SNTG1: variants seen among roughly 807,000 people sequenced by gnomAD.
SNTG1 encodes syntrophin gamma 1.
Under a neutral mutation model 74.7 loss-of-function variants are expected in SNTG1, and 39 were observed. The observed-to-expected ratio is 0.52, with a 90% confidence interval of 0.40 to 0.68. SNTG1 has a LOEUF of 0.68. Among genes scored for constraint, SNTG1 ranks in the 30% least tolerant of loss-of-function variants. SNTG1 has a pLI of 0.00. For synonymous variants in SNTG1, 254 were observed against 217.1 expected (o/e 1.17, Z -1.49); for missense variants, 685 against 609.5 (o/e 1.12, Z -1.30).
At chr8:50,210,032 A>T (rs552359598) in intron 2 of SNTG1, among the ~76,000 whole-genome samples, 1 of 152,302 alleles carries the variant, frequency 6.6e-6, no homozygotes, top group Non-Finnish European at 1.5e-5. Flanking sequence ...GAAGACCTTA[A>T]ATGAACTCAT....
At chr8:50,321,938 C>A (rs56808801) in intron 2 of SNTG1, among the ~76,000 whole-genome samples, 1,916 of 152,116 alleles carry the variant, frequency 0.013, 43 homozygotes, top group African/African-American at 0.044. Context: ...ATCAGTTCAT[C>A]TTTTAGTCTT....
chr8:50,599,416 T>A (rs1447474999), intron 13 of SNTG1, among the ~76,000 whole-genome samples: 1 of 152,082 alleles, frequency 6.6e-6, no homozygotes, highest in Non-Finnish European at 1.5e-5. Context: ...TGGCATTTTG[T>A]TAGGAATTGC....
intron 1 of SNTG1, among the ~76,000 whole-genome samples, chr8:50,093,984 A>AAG (rs2079837865): frequency 6.6e-6 from 1 of 152,126 alleles, no homozygotes; most frequent in Non-Finnish European, 1.5e-5. Context: ...AAAAAGGAAA[A>AAG]GCCATCTGTC....
chr8:50,674,350 A>G (rs2095299904), intron 15 of SNTG1, among the ~76,000 whole-genome samples: 1 of 152,172 alleles, frequency 6.6e-6, no homozygotes, highest in Non-Finnish European at 1.5e-5. Context: ...CCTCAATTTC[A>G]GAACTTGTTA....
At chr8:50,190,276 T>A (rs894888479) in intron 2 of SNTG1, among the ~76,000 whole-genome samples, 14 of 152,150 alleles carry the variant, frequency 9.2e-5, no homozygotes, top group African/African-American at 2.4e-4. Flanking sequence ...TCATGCAAAA[T>A]ACAGCTGTTA....
At chr8:50,044,406 A>C (rs1818901658) in intron 1 of SNTG1, among the ~76,000 whole-genome samples, 1 of 152,186 alleles carries the variant, frequency 6.6e-6, no homozygotes, top group Non-Finnish European at 1.5e-5. Flanking sequence ...TTTTGGGCCA[A>C]AATTAAACCG....
intron 17 of SNTG1, among the ~76,000 whole-genome samples, chr8:50,726,111 T>G (rs1198557978): frequency 6.6e-6 from 1 of 152,146 alleles, no homozygotes; most frequent in East Asian, 1.9e-4. Context: ...TAATTTCCAT[T>G]TGGAGAGCTA....
At chr8:50,259,508 A>AAAAGAAAGAAAG (rs555536386) in intron 2 of SNTG1, among the ~76,000 whole-genome samples, 36 of 15,744 alleles carry the variant, frequency 2.3e-3, no homozygotes, top group South Asian at 6.7e-3. Flanking sequence ...CAAAAAAAAA[A>AAAAGAAAGAAAG]AAAGAAAGAA....
chr8:50,778,539 T>C (rs1296007820), intron 18 of SNTG1, among the ~76,000 whole-genome samples: 1 of 152,124 alleles, frequency 6.6e-6, no homozygotes, highest in African/African-American at 2.4e-5. Context: ...CACCCACTTT[T>C]TGATGGGGTT....
At chr8:50,401,466 C>A (rs1379836595) in intron 3 of SNTG1, among the ~76,000 whole-genome samples, 1 of 152,162 alleles carries the variant, frequency 6.6e-6, no homozygotes, top group Non-Finnish European at 1.5e-5. Context: ...GTATATAAAG[C>A]AAACACATTG....
chr8:50,451,565 T>C (rs769167215), intron 8 of SNTG1, among the ~76,000 whole-genome samples: 1 of 152,146 alleles, frequency 6.6e-6, no homozygotes, highest in African/African-American at 2.4e-5. Flanking sequence ...GACAGAGTAG[T>C]CATCCAGTTT....
chr8:50,282,878 T>C (rs894635797), intron 2 of SNTG1, among the ~76,000 whole-genome samples: 23 of 152,358 alleles, frequency 1.5e-4, no homozygotes, highest in African/African-American at 5.5e-4. Context: ...CAACCAATGT[T>C]ACCAATTGTG....
chr8:50,407,139 C>T (rs74555386), intron 4 of SNTG1, among the ~76,000 whole-genome samples: 7,127 of 152,224 alleles, frequency 0.047, 217 homozygotes, highest in Middle Eastern at 0.095. Flanking sequence ...ACAGGGATCA[C>T]CTCTCTTATC....
At chr8:50,689,063 G>T (rs549600674) in intron 15 of SNTG1, among the ~76,000 whole-genome samples, 1 of 118,516 alleles carries the variant, frequency 8.4e-6, no homozygotes, top group African/African-American at 3.3e-5. Context: ...CTGTTTGTCT[G>T]TTATTGGTGT....
intron 13 of SNTG1, among the ~76,000 whole-genome samples, chr8:50,606,063 T>A (rs1054721473): frequency 2.4e-4 from 36 of 152,288 alleles, no homozygotes; most frequent in South Asian, 2.1e-4. Context: ...GTGTTCATCA[T>A]AGCTATTAGC....
chr8:50,546,144 C>T (rs892082535), intron 11 of SNTG1, among the ~76,000 whole-genome samples: 3 of 151,920 alleles, frequency 2.0e-5, no homozygotes, highest in Admixed American at 2.0e-4. Context: ...TAGATTGTAT[C>T]AACTACAGAA....
intron 1 of SNTG1, among the ~76,000 whole-genome samples, chr8:49,930,901 T>C (rs1807523876): frequency 6.6e-6 from 1 of 152,150 alleles, no homozygotes; most frequent in Non-Finnish European, 1.5e-5. Context: ...CAGCAATATA[T>C]ACATTAACAC....
rs527656730 is a variant in SNTG1 at position 50,235,865 on chromosome 8, C to A, written c.-28+63230C>A. ...ATATGTTAGCAGTTTCTCACAAAAA[C>A]TTCAGCCAAAAAAAAAGAAAAAAGA... is the stretch of plus-strand genomic sequence containing the variant. On this transcript the variant is annotated intron_variant, in intron 2 of 18. Coordinates refer to ENST00000642720, the MANE Select transcript of SNTG1 (RefSeq NM_018967.5). 1.8e-4 allele frequency among the ~76,000 whole-genome samples: 28 copies of A among 151,686 alleles called. No homozygotes were observed. The South Asian group carries it at 5.6e-3, about 30-fold the overall frequency.
chr8:50,219,915 C>A (rs554214610), intron 2 of SNTG1, among the ~76,000 whole-genome samples: 1 of 152,138 alleles, frequency 6.6e-6, no homozygotes, highest in African/African-American at 2.4e-5. Flanking sequence ...GACTTTAAGA[C>A]CAAAAGCTTT....
Sources: allele counts gnomAD v4.1 joint callset (sites outside exome capture counted in the v4.1 genomes callset), GRCh38; gene constraint gnomAD v4.1.1; transcripts MANE v1.5; gene names NCBI Gene and HGNC (gene_info 2026-07-23, HGNC 2026-07-21).